RASGRF1: variants seen among roughly 807,000 people sequenced by gnomAD.
The protein encoded by RASGRF1 is Ras protein specific guanine nucleotide releasing factor 1.
A neutral mutation model predicts 138.7 loss-of-function variants in RASGRF1; 40 were observed. The ratio of observed to expected loss-of-function variants is 0.29; its 90% CI spans 0.22 to 0.38. The LOEUF (loss-of-function observed/expected upper bound fraction) is 0.38. Among genes scored for constraint, RASGRF1 ranks in the 10% least tolerant of loss-of-function variants. The pLI is 1.00. For missense variants in RASGRF1, 1,108 were observed against 1,650.4 expected, an observed-to-expected ratio of 0.67 and a Z score of 5.69; for synonymous variants, 614 against 663.2, an observed-to-expected ratio of 0.93 and a Z score of 1.14.
chr15:78,985,231 A>G (rs1248470780), intron 22 of RASGRF1, 27 bp from the exon 23 acceptor site: 1 of 1,535,994 alleles, frequency 6.5e-7, no homozygotes, highest in Non-Finnish European at 9.0e-7. Context: ...TAAGACAGGG[A>G]AAAAGAGGAG....
At chr15:78,966,610 A>G (rs1269360234) in intron 26 of RASGRF1, among the ~76,000 whole-genome samples, 1 of 151,876 alleles carries the variant, frequency 6.6e-6, no homozygotes, top group African/African-American at 2.4e-5. Context: ...CTTATTTTAG[A>G]TATAAAATTA....
intron 20 of RASGRF1, among the ~76,000 whole-genome samples, chr15:78,992,434 A>G (rs2056290704): frequency 6.6e-6 from 1 of 152,234 alleles, no homozygotes; most frequent in South Asian, 2.1e-4. Context: ...AACGTTAGCC[A>G]GAGGACAGTG....
At chr15:78,984,870 C>G in intron 23 of RASGRF1, 137 bp downstream of exon 23, 1 of 920,454 alleles carries the variant, frequency 1.1e-6, no homozygotes, top group Non-Finnish European at 1.7e-6. Context: ...GGAAGCTATT[C>G]TGTTTTACCT....
intron 3 of RASGRF1, among the ~76,000 whole-genome samples, chr15:79,056,437 C>T (rs1439065606): frequency 6.6e-6 from 1 of 152,102 alleles, no homozygotes; most frequent in Non-Finnish European, 1.5e-5. Flanking sequence ...GTGGGGACAT[C>T]CCTGAACTGA....
At chr15:79,039,780 T>C (rs558888144) in intron 5 of RASGRF1, among the ~76,000 whole-genome samples, 1 of 152,132 alleles carries the variant, frequency 6.6e-6, no homozygotes, top group South Asian at 2.1e-4. Flanking sequence ...TGATTTTTCT[T>C]TTTTTTTGAG....
intron 8 of RASGRF1, among the ~76,000 whole-genome samples, chr15:79,028,910 T>C (rs569251053): frequency 6.6e-6 from 1 of 152,338 alleles, no homozygotes; most frequent in South Asian, 2.1e-4. Flanking sequence ...CAGCATGACA[T>C]TGACCAGACT....
chr15:78,968,902 G>A (rs2055696813), intron 26 of RASGRF1, among the ~76,000 whole-genome samples: 1 of 152,044 alleles, frequency 6.6e-6, no homozygotes, highest in Admixed American at 6.5e-5. Context: ...GAAGTCTTTG[G>A]CCGGACTTTA....
chr15:79,059,232 C>CCCTTCCCTTCCCTTCCCTAT (rs1567594451), intron 2 of RASGRF1, among the ~76,000 whole-genome samples: 1 of 114,176 alleles, frequency 8.8e-6, no homozygotes, highest in Non-Finnish European at 1.8e-5. Flanking sequence ...TCCTTCCCTT[C>CCCTTCCCTTCCCTTCCCTAT]CCTTCCCTTC....
chr15:79,087,760 A>G (rs974967673), intron 1 of RASGRF1, among the ~76,000 whole-genome samples: 1 of 152,258 alleles, frequency 6.6e-6, no homozygotes, highest in Non-Finnish European at 1.5e-5. Context: ...GAATTTTTGT[A>G]CACATGTGTA....
chr15:78,983,011 T>A (rs1272360190), intron 23 of RASGRF1, among the ~76,000 whole-genome samples: 1 of 152,204 alleles, frequency 6.6e-6, no homozygotes, highest in African/African-American at 2.4e-5. Flanking sequence ...ACATAATGCT[T>A]TTCTGCTATG....
rs557440616 is a variant in RASGRF1, at chr15:79,033,659, G to A, written c.959-1343C>T. Among the ~76,000 whole-genome samples, 44 of 130,408 alleles carry A rather than the reference G, an allele frequency of 3.4e-4. 1 individual carries two copies. The highest frequency in any genetic ancestry group is 6.4e-4 in the African/African-American group (22 of 34,170). The allele number at this position is 130,408 out of a possible 152,430, so 85.6% of individuals were successfully genotyped here. A position where few individuals can be genotyped will look rare whatever the true frequency, so the allele number is the denominator to read the frequency against. On this transcript the variant is annotated intron_variant, in intron 6 of 26. Transcript: ENST00000558480. Reference sequence around the variant, plus strand: ...GAGTGGAGTGCAGTAGTGAGATCTCGGCTCACTGCGACTTCTGCTTCCTGG... The same window carrying A: ...GAGTGGAGTGCAGTAGTGAGATCTCAGCTCACTGCGACTTCTGCTTCCTGG...
Position 78,971,932 on chromosome 15 carries a change from T to A in RASGRF1, c.3615A>T (p.Ile1205=). The change falls in exon 26 of 27, where the codon ATA becomes ATT. Residue 1205 remains isoleucine, a splice_region_variant and synonymous_variant. Coordinates refer to ENST00000558480, the MANE Select transcript of RASGRF1 (RefSeq NM_001145648.3). The part of the protein sequence containing the change: ...GLVNFSKMRM[I]SHIIREIRQF... ...GGCGAATCTCTCGGATAATATGGGA[T>A]ATCTGTGGGAAGGAAGGAGTGTTTC... 1 of 1,577,850 alleles carries A rather than the reference T, an allele frequency of 6.3e-7. No homozygotes were observed. The highest frequency in any genetic ancestry group is 8.7e-7 in the Non-Finnish European group (1 of 1,146,958).
chr15:78,996,140 C>T (rs7174178), intron 19 of RASGRF1, among the ~76,000 whole-genome samples: 129,337 of 152,188 alleles, frequency 0.85, 55,025 homozygotes, highest in East Asian at 1. Context: ...ACTGGACATT[C>T]AGCAGGCGCT....
chr15:79,019,874 C>G (rs2056934201), intron 11 of RASGRF1, among the ~76,000 whole-genome samples, 167 bp downstream of exon 11: 1 of 152,216 alleles, frequency 6.6e-6, no homozygotes, highest in African/African-American at 2.4e-5. Flanking sequence ...CCAGCTGTAG[C>G]AGGGACTGAA....
rs1390824899 is a variant in RASGRF1, at chr15:78,985,204, TC to T, written c.3217-1del. On this transcript the variant is annotated splice_acceptor_variant, in intron 22 of 26. Transcript: ENST00000558480. LOFTEE classifies it high-confidence loss of function. ...ATTTCTGAAGCAATCAAGTTACTGATCTTTAAGCCGATGCAATAAGACAGGG... is the reference window on the plus strand; with the variant it reads ...ATTTCTGAAGCAATCAAGTTACTGATTTTAAGCCGATGCAATAAGACAGGG... 1 of 1,594,236 alleles carries T rather than the reference TC, an allele frequency of 6.3e-7. No homozygotes were observed. The highest frequency in any genetic ancestry group is 8.6e-7 in the Non-Finnish European group (1 of 1,162,314).
At chr15:79,020,857 G>A (rs922122226) in intron 10 of RASGRF1, among the ~76,000 whole-genome samples, 1 of 152,202 alleles carries the variant, frequency 6.6e-6, no homozygotes, top group South Asian at 2.1e-4. Flanking sequence ...TCTTGAGTGT[G>A]AGCTGGACTT....
Position 78,998,741 on chromosome 15 carries a change from T to C in RASGRF1, c.2831A>G (p.His944Arg), listed in dbSNP as rs1386955189. The C allele has an allele frequency of 6.2e-7, 1 of 1,614,022 alleles. No individual in the cohort carries two copies. Among genetic ancestry groups the C allele is most frequent in the South Asian group, 1.1e-5 (1 of 91,068 alleles). ...CACCTGAGAGTGCTTGGACACCCAGTGGCGGAGCACGTTCAAGACACGATT... is the reference window on the plus strand; with the variant it reads ...CACCTGAGAGTGCTTGGACACCCAGCGGCGGAGCACGTTCAAGACACGATT... Reference protein sequence around the residue: ...ATNRVLNVLRHWVSKHSQDFE... With the variant: ...ATNRVLNVLRRWVSKHSQDFE... Residue 944 changes from histidine to arginine, a missense_variant, in exon 18 of 27, where the codon CAC (histidine) becomes CGC (arginine). Transcript: ENST00000558480.
intron 3 of RASGRF1, among the ~76,000 whole-genome samples, chr15:79,054,928 G>A (rs1026445264): frequency 1.2e-4 from 19 of 152,184 alleles, no homozygotes; most frequent in Admixed American, 3.9e-4. Context: ...AGGAATATGT[G>A]GGATGGGGCC....
intron 13 of RASGRF1, among the ~76,000 whole-genome samples, chr15:79,008,217 T>C (rs1041679210): frequency 6.6e-6 from 1 of 152,246 alleles, no homozygotes; most frequent in Non-Finnish European, 1.5e-5. Context: ...GGACATAGCA[T>C]CCCTTTCACA....
Sources: allele counts gnomAD v4.1 joint callset (sites outside exome capture counted in the v4.1 genomes callset), GRCh38; gene constraint gnomAD v4.1.1; transcripts MANE v1.5; gene names NCBI Gene and HGNC (gene_info 2026-07-23, HGNC 2026-07-21).